Variants in VPS8 observed in about 807,000 individuals in gnomAD.
The protein encoded by VPS8 is VPS8 subunit of CORVET complex, also known as vacuolar protein sorting-associated protein 8 homolog.
In VPS8, 129 loss-of-function variants were observed where a neutral mutation model predicts 216.4. The ratio of observed to expected loss-of-function variants is 0.60; its 90% confidence interval spans 0.52 to 0.69. The LOEUF is 0.69. Among genes scored for constraint, VPS8 ranks in the 30% least tolerant of loss-of-function variants. The pLI is 0.00. For missense variants in VPS8, 1,531 were observed against 1,683.5 expected (o/e 0.91, Z 1.59); for synonymous variants, 571 against 565.4 (o/e 1.01, Z -0.14).
chr3:185,009,646 T>C (rs1483078488), intron 45 of VPS8, among the ~76,000 whole-genome samples: 1 of 152,040 alleles, frequency 6.6e-6, no homozygotes, highest in Non-Finnish European at 1.5e-5. Flanking sequence ...TATAAAATAA[T>C]GGTTCATAAG....
At chr3:184,983,956 G>A (rs888829676) in intron 42 of VPS8, among the ~76,000 whole-genome samples, 2 of 151,056 alleles carry the variant, frequency 1.3e-5, no homozygotes, top group Admixed American at 6.6e-5. Context: ...AAGCCGAGGC[G>A]GGCGGATCAT....
At chr3:185,013,373 A>G (rs1755322853) in intron 45 of VPS8, among the ~76,000 whole-genome samples, 1 of 152,252 alleles carries the variant, frequency 6.6e-6, no homozygotes, top group Non-Finnish European at 1.5e-5. Context: ...CAGGATCCAC[A>G]TCTGCAGACT....
chr3:184,973,219 A>AT (rs1310982601), intron 40 of VPS8, among the ~76,000 whole-genome samples: 2 of 152,222 alleles, frequency 1.3e-5, no homozygotes, highest in African/African-American at 4.8e-5. Context: ...TTAAATTAAA[A>AT]TATATTCATC....
intron 22 of VPS8, among the ~76,000 whole-genome samples, chr3:184,891,405 G>T (rs1281389378): frequency 6.6e-6 from 1 of 152,018 alleles, no homozygotes; most frequent in Non-Finnish European, 1.5e-5. Context: ...TTATTAGGGT[G>T]GTGCAAAAGT....
intron 46 of VPS8, among the ~76,000 whole-genome samples, chr3:185,028,965 G>C (rs1366877442): frequency 6.6e-6 from 1 of 152,182 alleles, no homozygotes; most frequent in Admixed American, 6.5e-5. Flanking sequence ...AGGGGGAAAA[G>C]AAATTTCTGG....
At chr3:184,864,752 A>T (rs1727019385) in intron 16 of VPS8, among the ~76,000 whole-genome samples, 1 of 152,228 alleles carries the variant, frequency 6.6e-6, no homozygotes, top group Non-Finnish European at 1.5e-5. Flanking sequence ...ACACAAGAAT[A>T]TTAATAGGAA....
intron 17 of VPS8, 116 bp downstream of exon 17, chr3:184,867,066 C>T (rs1333432129): frequency 2.3e-6 from 2 of 886,650 alleles, no homozygotes; most frequent in Non-Finnish European, 3.4e-6. Flanking sequence ...CAGCAATTAT[C>T]CTAAACCCTT....
intron 3 of VPS8, among the ~76,000 whole-genome samples, chr3:184,828,384 G>A (rs6785281): frequency 4.0e-5 from 6 of 151,718 alleles, no homozygotes; most frequent in Admixed American, 1.3e-4. Context: ...AGTGATCTGC[G>A]GGCCTCGGCC....
chr3:184,929,318 G>A (rs569793904), intron 32 of VPS8, among the ~76,000 whole-genome samples: 57 of 152,034 alleles, frequency 3.7e-4, no homozygotes, highest in Non-Finnish European at 6.3e-4. Flanking sequence ...CTCAGCTTCC[G>A]TAGTAGCTCA....
At chr3:184,869,118 CT>C in intron 19 of VPS8, 82 bp downstream of exon 19, 3 of 1,299,932 alleles carry the variant, frequency 2.3e-6, no homozygotes, top group Non-Finnish European at 3.2e-6. Context: ...TCATAGGACA[CT>C]TTTAGCTGAG....
At chr3:184,945,378 A>T (rs1327498038) in intron 36 of VPS8, among the ~76,000 whole-genome samples, 3 of 152,054 alleles carry the variant, frequency 2.0e-5, no homozygotes, top group Non-Finnish European at 4.4e-5. Context: ...AGATAAAATG[A>T]TGAATAAGAC....
At chr3:184,923,413 C>G (rs1739011268) in intron 29 of VPS8, among the ~76,000 whole-genome samples, 1 of 152,182 alleles carries the variant, frequency 6.6e-6, no homozygotes, top group Admixed American at 6.6e-5. Context: ...CTGCCTCTTT[C>G]CATTTTCATG....
intron 14 of VPS8, among the ~76,000 whole-genome samples, chr3:184,856,661 C>T (rs1402630201): frequency 6.6e-6 from 1 of 152,092 alleles, no homozygotes; most frequent in Non-Finnish European, 1.5e-5. Flanking sequence ...TTGTCTCCCC[C>T]ATTGCTGTTT....
intron 40 of VPS8, 36 bp from the exon 41 acceptor site, chr3:184,982,530 A>G (rs1286700715): frequency 6.7e-7 from 1 of 1,495,116 alleles, no homozygotes; most frequent in Non-Finnish European, 9.2e-7. Flanking sequence ...TTCTTTGACC[A>G]CTTTTCTTTT....
intron 45 of VPS8, among the ~76,000 whole-genome samples, 180 bp downstream of exon 45, chr3:185,000,041 T>C (rs1753189746): frequency 6.6e-6 from 1 of 152,212 alleles, no homozygotes; most frequent in South Asian, 2.1e-4. Context: ...CTACTCAGTA[T>C]GGAAAAACAT....
chr3:184,879,046 C>T (rs1560499548), intron 21 of VPS8, among the ~76,000 whole-genome samples: 1 of 152,128 alleles, frequency 6.6e-6, no homozygotes, highest in Non-Finnish European at 1.5e-5. Flanking sequence ...TACCATCGCT[C>T]CAAAAAGCAA....
At chr3:184,834,510 G>GAA in intron 4 of VPS8, 139 bp from the exon 5 acceptor site, 4 of 632,642 alleles carry the variant, frequency 6.3e-6, no homozygotes, top group Non-Finnish European at 1.0e-5. Flanking sequence ...AATAATAAAA[G>GAA]AAAAAAAAAC....
At chr3:184,940,176 T>G in intron 35 of VPS8, 21 bp from the exon 36 acceptor site, 1 of 1,445,042 alleles carries the variant, frequency 6.9e-7, no homozygotes, top group African/African-American at 1.4e-5. Flanking sequence ...TAATTGTAAT[T>G]TTTATTGTTT....
intron 45 of VPS8, among the ~76,000 whole-genome samples, chr3:185,005,972 G>C (rs574634732): frequency 6.6e-6 from 1 of 151,956 alleles, no homozygotes; most frequent in Non-Finnish European, 1.5e-5. Context: ...TCTTGTTGCA[G>C]TTCTCAGGGG....
Sources: gnomAD v4.1 joint callset for allele counts (sites outside exome capture counted in the v4.1 genomes callset) on GRCh38, gnomAD v4.1.1 for gene constraint, MANE v1.5 for transcripts, NCBI Gene and HGNC (gene_info 2026-07-23, HGNC 2026-07-21) for gene names.